Variants in PFKP observed in about 807,000 individuals in gnomAD.
PFKP encodes the protein ATP-dependent 6-phosphofructokinase, platelet type.
PFKP carries 101 observed loss-of-function variants against 94.3 expected under a neutral mutation model. The ratio of observed to expected loss-of-function variants is 1.07; its 90% confidence interval spans 0.91 to 1.26. The LOEUF is 1.26. PFKP is among the 50% of genes most tolerant of loss of function. The pLI, the probability that PFKP is intolerant of heterozygous loss-of-function variation, is 0.00. For missense variants in PFKP, 1,145 were observed against 1,103.3 expected, an observed-to-expected ratio of 1.04 and a Z score of -0.53; for synonymous variants, 573 against 432.6, an observed-to-expected ratio of 1.32 and a Z score of -4.03.
At chr10:3,069,733 GA>G (rs1398187525) in intron 1 of PFKP, among the ~76,000 whole-genome samples, 9 of 151,604 alleles carry the variant, frequency 5.9e-5, no homozygotes, top group Admixed American at 2.6e-4. Context: ...AAAAAAGAAA[GA>G]AAAAAAATTA....
chr10:3,117,580 G>C (rs902563738), intron 14 of PFKP, among the ~76,000 whole-genome samples: 1 of 152,164 alleles, frequency 6.6e-6, no homozygotes, highest in African/African-American at 2.4e-5. Flanking sequence ...CAGGACCCTG[G>C]TACTCCCAGC....
rs1187773252 is a variant in PFKP at position 3,099,354 on chromosome 10, TAGGTACTGGGCTGCGTCCAC to T, written c.264+6_264+25del. On this transcript the variant is annotated splice_donor_5th_base_variant and intron_variant, in intron 3 of 21. Transcript: ENST00000381125. The stretch of plus-strand genomic sequence containing the variant: ...AGTGTCTCCAGCATCCTGCAAGTGG[TAGGTACTGGGCTGCGTCCAC>T]AGGGTTCTCTGAGTTAGAGACTCTT... 6.2e-7 allele frequency: 1 copy of T among 1,612,600 alleles called. No individual in the cohort carries two copies. The highest frequency in any genetic ancestry group is 8.5e-7 in the Non-Finnish European group (1 of 1,178,632).
intron 2 of PFKP, among the ~76,000 whole-genome samples, chr10:3,090,672 G>A (rs978745510): frequency 1.3e-5 from 2 of 152,068 alleles, no homozygotes; most frequent in Non-Finnish European, 2.9e-5. Flanking sequence ...CTCTCAGGAT[G>A]CGGAGCAGCA....
In PFKP at chr10:3,108,657, GTCCGCATCACAGT is replaced by G. The variant is rs780070997; in HGVS notation, c.871-35_871-23del. The G allele has an allele frequency of 3.4e-6, 5 of 1,452,038 alleles. No individual in the cohort carries two copies. The East Asian group carries it at 1.1e-4, about 33-fold the overall frequency. The allele number at this position is 1,452,038 out of a possible 1,614,324, so 89.9% of individuals were successfully genotyped here. ...CCTCCTTCCAGATCTGGGCTGCTGT[GTCCGCATCACAGT>G]TCCGCATCCTAACGAGATGTTTCCT... On this transcript the variant is annotated intron_variant, in intron 8 of 21. Coordinates refer to ENST00000381125, the MANE Select transcript of PFKP (RefSeq NM_002627.5).
At chr10:3,100,171 C>T (rs955583936) in intron 3 of PFKP, among the ~76,000 whole-genome samples, 1 of 151,724 alleles carries the variant, frequency 6.6e-6, no homozygotes, top group Non-Finnish European at 1.5e-5. Flanking sequence ...GCGGCCACCT[C>T]GTCTCTTTGG....
chr10:3,100,961 G>T, intron 3 of PFKP: 1 of 1,612,304 alleles, frequency 6.2e-7, no homozygotes, highest in Non-Finnish European at 8.5e-7. Flanking sequence ...CTGGCTGCTG[G>T]TCACACCGCT....
chr10:3,136,761 G>GCT lies in PFKP; in HGVS notation c.*183_*184insTC. 1 of 546,552 alleles carries GCT rather than the reference G, an allele frequency of 1.8e-6. No individual in the cohort carries two copies. Among genetic ancestry groups the GCT allele is most frequent in the Admixed American group, 3.3e-5 (1 of 30,590 alleles). The allele number at this position is 546,552 out of a possible 1,614,324, so 33.9% of individuals were successfully genotyped here. A position where few individuals can be genotyped will look rare whatever the true frequency, so the allele number is the denominator to read the frequency against. On this transcript the variant is annotated 3_prime_UTR_variant, in exon 22 of 22. Transcript: ENST00000381125. Reference sequence around the variant, plus strand: ...GAGTGTGTCTCATGCTTTCAGATGTGCATATGAGCAGAATTAATTAAACAT... The same window carrying GCT: ...GAGTGTGTCTCATGCTTTCAGATGTGCTCATATGAGCAGAATTAATTAAACAT...
At chr10:3,086,622 A>G (rs1284707457) in intron 2 of PFKP, among the ~76,000 whole-genome samples, 3 of 152,162 alleles carry the variant, frequency 2.0e-5, no homozygotes, top group African/African-American at 4.8e-5. Flanking sequence ...AAATGTTGGT[A>G]GAAACAAGGC....
chr10:3,098,427 G>A (rs546473094), intron 2 of PFKP, among the ~76,000 whole-genome samples: 38 of 152,070 alleles, frequency 2.5e-4, no homozygotes, highest in Non-Finnish European at 3.8e-4. Context: ...TGTAATTCCA[G>A]CACTTTGGGA....
intron 1 of PFKP, among the ~76,000 whole-genome samples, chr10:3,071,128 A>G (rs1447697718): frequency 1.3e-5 from 2 of 152,106 alleles, no homozygotes; most frequent in African/African-American, 4.8e-5. Flanking sequence ...AAAGTGAGCA[A>G]AACCCGATTT....
chr10:3,126,643 C>G lies in PFKP; in HGVS notation c.1684-3176C>G, dbSNP rs77239536. Among the ~76,000 whole-genome samples, 832 of 152,380 alleles carry G rather than the reference C, an allele frequency of 5.5e-3. 5 individuals are homozygous for G. The highest frequency in any genetic ancestry group is 0.031 in the Middle Eastern group (9 of 294). On this transcript the variant is annotated intron_variant, in intron 16 of 21. Coordinates refer to ENST00000381125, the MANE Select transcript of PFKP (RefSeq NM_002627.5). ...ACCAGTCATGGGAAAACTGGCCTCC[C>G]TGCAGATTCACAGAGCAAGGTGGTT... is the stretch of plus-strand genomic sequence containing the variant.
intron 8 of PFKP, chr10:3,107,692 G>C: frequency 1.0e-6 from 1 of 968,268 alleles, no homozygotes; most frequent in Non-Finnish European, 1.2e-6. Context: ...GGAAAAGGCG[G>C]CGTCTTGCTA....
chr10:3,072,870 A>G (rs1832306481), intron 1 of PFKP, among the ~76,000 whole-genome samples: 1 of 151,990 alleles, frequency 6.6e-6, no homozygotes, highest in African/African-American at 2.4e-5. Flanking sequence ...CACGTTCACA[A>G]TGGCATTTCG....
Position 3,103,598 on chromosome 10 carries a change from C to T in PFKP, c.455-181C>T, listed in dbSNP as rs529639358. Among the ~76,000 whole-genome samples, 23 of 152,328 alleles carry T rather than the reference C, an allele frequency of 1.5e-4. No individual in the cohort carries two copies. In the South Asian group the frequency reaches 4.8e-3, roughly 32 times the overall value. On this transcript the variant is annotated intron_variant, in intron 4 of 21. Coordinates refer to ENST00000381125, the MANE Select transcript of PFKP (RefSeq NM_002627.5). Reference sequence around the variant, plus strand: ...GGGCTATGATGGTGCCACTGCACTCCAGCCTGGTCAACAGTGAGACCCTGT... The same window carrying T: ...GGGCTATGATGGTGCCACTGCACTCTAGCCTGGTCAACAGTGAGACCCTGT...
intron 14 of PFKP, among the ~76,000 whole-genome samples, chr10:3,117,170 G>A (rs780638998): frequency 7.9e-5 from 12 of 152,220 alleles, no homozygotes; most frequent in East Asian, 3.8e-4. Context: ...TCACGGAGCC[G>A]TGGAGATGGC....
At chr10:3,095,651 G>A (rs1003050759) in intron 2 of PFKP, among the ~76,000 whole-genome samples, 2 of 152,350 alleles carry the variant, frequency 1.3e-5, no homozygotes, top group South Asian at 2.1e-4. Context: ...GGTGTTTTAG[G>A]AAACGTCTGG....
At chr10:3,110,830 ATG>A (rs1355072773) in intron 10 of PFKP, among the ~76,000 whole-genome samples, 2 of 150,732 alleles carry the variant, frequency 1.3e-5, no homozygotes, top group African/African-American at 2.4e-5. Context: ...GTCTGCATGT[ATG>A]TGTATGTTTA....
intron 17 of PFKP, among the ~76,000 whole-genome samples, chr10:3,131,791 G>C (rs1470829955): frequency 6.6e-6 from 1 of 152,142 alleles, no homozygotes; most frequent in Non-Finnish European, 1.5e-5. Context: ...ATTGCGCCCA[G>C]TGACAGATTT....
rs1417785453 is a variant in PFKP, at chr10:3,119,979, TCCAACAATGTG to T, written c.1621_1631del (p.Asn541GlyfsTer57). On this transcript the variant is annotated frameshift_variant, in exon 16 of 22. Transcript: ENST00000381125. LOFTEE classifies it high-confidence loss of function. ...CATGGTCATGGTTCCCGCTACTGTG[TCCAACAATGTG>T]CCGGGTTCCGATTTCAGCATCGGGG... 4 of 1,614,082 alleles carry T rather than the reference TCCAACAATGTG, an allele frequency of 2.5e-6. No homozygotes were observed. Among genetic ancestry groups the T allele is most frequent in the Non-Finnish European group, 3.4e-6 (4 of 1,179,978 alleles).
Sources: allele counts gnomAD v4.1 joint callset (sites outside exome capture counted in the v4.1 genomes callset), GRCh38; gene constraint gnomAD v4.1.1; transcripts MANE v1.5; gene names NCBI Gene and HGNC (gene_info 2026-07-23, HGNC 2026-07-21).